PRMT8: variants seen among roughly 807,000 people sequenced by gnomAD.
PRMT8 encodes the protein protein arginine N-methyltransferase 8.
In PRMT8, 7 loss-of-function variants were observed where a neutral mutation model predicts 47.1. That is an observed-to-expected ratio of 0.15 (90% CI 0.08 to 0.28). The LOEUF (loss-of-function observed/expected upper bound fraction) is 0.28. PRMT8 is among the 10% of genes least tolerant of loss of function. PRMT8 has a pLI of 1.00. For synonymous variants in PRMT8, 188 were observed against 186.5 expected (o/e 1.01, Z -0.07); for missense variants, 237 against 505.4 (o/e 0.47, Z 5.09).
At position 3,559,935 on chromosome 12, in the gene PRMT8, T is replaced by C. The variant is rs139463583; in HGVS notation, c.481+6221T>C. Among the ~76,000 whole-genome samples the C allele has an allele frequency of 1.4e-4, 21 of 152,340 alleles. No individual in the cohort carries two copies. The East Asian group carries it at 3.9e-3, about 28-fold the overall frequency. Reference sequence around the variant, plus strand: ...TGATGGCTCAGACTTGATTCTATGCTACCGAGGCAAAGGCTTGAAGAGTGC... The same window carrying C: ...TGATGGCTCAGACTTGATTCTATGCCACCGAGGCAAAGGCTTGAAGAGTGC... On this transcript the variant is annotated intron_variant, in intron 4 of 9. Transcript: ENST00000382622.
chr12:3,582,734 C>T (rs1396505413), intron 7 of PRMT8, among the ~76,000 whole-genome samples: 2 of 152,142 alleles, frequency 1.3e-5, no homozygotes, highest in African/African-American at 2.4e-5. Context: ...TGAAGGGATG[C>T]ATTGTCTAAT....
At chr12:3,473,865 C>T (rs1045300551) in intron 1 of PRMT8, among the ~76,000 whole-genome samples, 1 of 152,192 alleles carries the variant, frequency 6.6e-6, no homozygotes, top group Non-Finnish European at 1.5e-5. Flanking sequence ...GTTCCTTCTC[C>T]TTCAGGCCGA....
At chr12:3,454,131 T>C (rs1864949617) in intron 1 of PRMT8, among the ~76,000 whole-genome samples, 1 of 152,158 alleles carries the variant, frequency 6.6e-6, no homozygotes, top group South Asian at 2.1e-4. Context: ...GCTCTGTCTC[T>C]GCTCCTAGCC....
rs1430183105 is a variant in PRMT8 at position 3,514,265 on chromosome 12, C to T, written c.75+22565C>T. On this transcript the variant is annotated intron_variant, in intron 1 of 9. Transcript: ENST00000382622. The surrounding 1 kb of genome is among the most constrained non-coding windows in gnomAD (Gnocchi z 5.9). ...GTGCTCTTTTGTTCACCACAGAATA[C>T]TGAGCACTTCTGGTTCCTCTGAGGT... Among the ~76,000 whole-genome samples, 14 of 149,922 alleles carry T rather than the reference C, an allele frequency of 9.3e-5. No individual in the cohort carries two copies. The highest frequency in any genetic ancestry group is 3.2e-4 in the African/African-American group (13 of 40,576).
chr12:3,523,028 C>T (rs1270380900), intron 1 of PRMT8, among the ~76,000 whole-genome samples: 2 of 151,854 alleles, frequency 1.3e-5, no homozygotes, highest in African/African-American at 4.8e-5. Flanking sequence ...TCCCATCAAA[C>T]TAATAGTCAG....
intron 1 of PRMT8, among the ~76,000 whole-genome samples, chr12:3,447,473 T>G (rs1864870299): frequency 1.3e-5 from 2 of 152,270 alleles, no homozygotes; most frequent in South Asian, 4.2e-4. Context: ...TTCCCACAGC[T>G]GAGGCGCCCC....
At chr12:3,386,449 GCC>G (rs1420487231) in intron 1 of PRMT8, among the ~76,000 whole-genome samples, 2 of 152,026 alleles carry the variant, frequency 1.3e-5, no homozygotes, top group Non-Finnish European at 2.9e-5. Context: ...GTCCTTCAAT[GCC>G]CACTTCTAAT....
At chr12:3,554,146 C>T (rs749407471) in intron 4 of PRMT8, among the ~76,000 whole-genome samples, 6 of 152,236 alleles carry the variant, frequency 3.9e-5, no homozygotes, top group Admixed American at 6.5e-5. Context: ...CCACTGCCCA[C>T]GAGCCCTGTC....
At chr12:3,487,151 G>A (rs1319407538), upstream of PRMT8, among the ~76,000 whole-genome samples, 1 of 152,226 alleles carries the variant, frequency 6.6e-6, no homozygotes, top group Non-Finnish European at 1.5e-5. Context: ...TAGCTGCCAT[G>A]AGGTGGTGAT....
In PRMT8 at chr12:3,448,608, A is replaced by C. The variant is rs563413906; in HGVS notation, c.48+67166A>C. 5.3e-5 allele frequency among the ~76,000 whole-genome samples: 8 copies of C among 152,290 alleles called. No homozygotes were observed. In the South Asian group the frequency reaches 1.5e-3, roughly 28 times the overall value. On this transcript the variant is annotated intron_variant, in intron 1 of 9. Coordinates refer to the PRMT8 transcript ENST00000452611. ...AGCATCACTGGCCTCTACCCACTAGATGATAGTATCCCACTTTGATAACCA... is the reference window on the plus strand; with the variant it reads ...AGCATCACTGGCCTCTACCCACTAGCTGATAGTATCCCACTTTGATAACCA...
chr12:3,563,374 T>A (rs73262047), intron 4 of PRMT8, among the ~76,000 whole-genome samples: 2,251 of 151,604 alleles, frequency 0.015, 59 homozygotes, highest in African/African-American at 0.051. Flanking sequence ...AGTGGGGGAT[T>A]TGGGCAGGGA....
intron 3 of PRMT8, 130 bp from the exon 4 acceptor site, chr12:3,553,520 CA>C: frequency 3.8e-6 from 3 of 789,640 alleles, no homozygotes; most frequent in Non-Finnish European, 6.4e-6. Flanking sequence ...CAGTCTGCCA[CA>C]AAGTTGTGAT....
At chr12:3,405,753 T>C (rs1341560043) in intron 1 of PRMT8, among the ~76,000 whole-genome samples, 5 of 152,212 alleles carry the variant, frequency 3.3e-5, no homozygotes, top group Non-Finnish European at 7.3e-5. Context: ...AGAGGTGGGC[T>C]CCATAGCCTT....
chr12:3,423,358 A>G (rs1205278643), intron 1 of PRMT8, among the ~76,000 whole-genome samples: 2 of 152,176 alleles, frequency 1.3e-5, no homozygotes, highest in Non-Finnish European at 2.9e-5. Context: ...TTTATTAGTG[A>G]TTATTTCTAA....
chr12:3,505,110 C>G (rs1287357863), intron 1 of PRMT8, among the ~76,000 whole-genome samples: 1 of 147,458 alleles, frequency 6.8e-6, no homozygotes, highest in Admixed American at 6.8e-5. Context: ...CTGGCACTCC[C>G]TAGTGAGATG....
chr12:3,515,992 T>C (rs1249187637), intron 1 of PRMT8, among the ~76,000 whole-genome samples: 1 of 152,230 alleles, frequency 6.6e-6, no homozygotes, highest in African/African-American at 2.4e-5. Context: ...CTCCAGCTTA[T>C]AGTTTGGCCT....
At chr12:3,389,030 G>A (rs1864168200) in intron 1 of PRMT8, among the ~76,000 whole-genome samples, 1 of 152,144 alleles carries the variant, frequency 6.6e-6, no homozygotes, top group Non-Finnish European at 1.5e-5. Flanking sequence ...CTGCTTGCCA[G>A]CACCACACTG....
intron 1 of PRMT8, among the ~76,000 whole-genome samples, chr12:3,525,184 C>T (rs868813594): frequency 1.6e-4 from 25 of 152,036 alleles, no homozygotes; most frequent in African/African-American, 5.5e-4. Flanking sequence ...ACCATGCCCT[C>T]GCACTCCGGC....
At chr12:3,459,302 C>G (rs1865011494) in intron 1 of PRMT8, among the ~76,000 whole-genome samples, 1 of 152,160 alleles carries the variant, frequency 6.6e-6, no homozygotes, top group African/African-American at 2.4e-5. Context: ...CTTCCCACCT[C>G]CCCAGTCTTC....
Sources: gnomAD v4.1 joint callset for allele counts (sites outside exome capture counted in the v4.1 genomes callset) on GRCh38, gnomAD v4.1.1 for gene constraint, Gnocchi (gnomAD v3.1) non-coding constraint, MANE v1.5 for transcripts, NCBI Gene and HGNC (gene_info 2026-07-23, HGNC 2026-07-21) for gene names.